The following KIAA0825 variants were observed in gnomAD, a reference collection of about 807,000 sequenced individuals.
KIAA0825 encodes uncharacterized protein KIAA0825.
In KIAA0825, 119 loss-of-function variants were observed where a neutral mutation model predicts 147.6. That is an observed-to-expected ratio of 0.81 (90% CI 0.69 to 0.94). KIAA0825 has a LOEUF of 0.94. Ranked by LOEUF, KIAA0825 falls within the 40% of genes least tolerant of loss-of-function variation. The probability of loss-of-function intolerance (pLI) is 0.00; values close to 1 mark genes in which losing one functional copy is unlikely to be tolerated. For synonymous variants in KIAA0825, 470 were observed against 518.1 expected, an observed-to-expected ratio of 0.91 and a Z score of 1.26; for missense variants, 1,381 against 1,472.7, an observed-to-expected ratio of 0.94 and a Z score of 1.02.
At chr5:94,491,968 A>G (rs1021272686) in intron 5 of KIAA0825, among the ~76,000 whole-genome samples, 2 of 152,244 alleles carry the variant, frequency 1.3e-5, no homozygotes, top group Admixed American at 6.5e-5. Flanking sequence ...GATAAGTGTC[A>G]GGAACCCTCT....
intron 7 of KIAA0825, among the ~76,000 whole-genome samples, chr5:94,475,895 A>C (rs1761837303): frequency 6.6e-6 from 1 of 152,174 alleles, no homozygotes; most frequent in African/African-American, 2.4e-5. Context: ...TATGAAATAT[A>C]GTTTGCTTAC....
intron 2 of KIAA0825, among the ~76,000 whole-genome samples, chr5:94,572,067 C>A (rs941362678): frequency 6.7e-6 from 1 of 150,058 alleles, no homozygotes; most frequent in Non-Finnish European, 1.5e-5. Flanking sequence ...CCACTGCATT[C>A]TAGCCTGGGC....
chr5:94,353,640 T>A (rs1439137726), intron 20 of KIAA0825, among the ~76,000 whole-genome samples: 1 of 152,170 alleles, frequency 6.6e-6, no homozygotes, highest in Non-Finnish European at 1.5e-5. Context: ...TCAATGACAA[T>A]ATCTTCTTAT....
At chr5:94,164,337 A>G (rs1203594706) in intron 20 of KIAA0825, among the ~76,000 whole-genome samples, 1 of 152,170 alleles carries the variant, frequency 6.6e-6, no homozygotes, top group Non-Finnish European at 1.5e-5. Context: ...ACAGTATGGT[A>G]TTAGCATAAA....
At chr5:94,543,203 C>T (rs900916125) in intron 2 of KIAA0825, among the ~76,000 whole-genome samples, 5 of 152,142 alleles carry the variant, frequency 3.3e-5, no homozygotes, top group East Asian at 1.9e-4. Context: ...CAGCATTTTG[C>T]GAGGCTGAGA....
chr5:94,259,534 T>G (rs190566823), intron 20 of KIAA0825, among the ~76,000 whole-genome samples: 1 of 152,162 alleles, frequency 6.6e-6, no homozygotes, highest in East Asian at 1.9e-4. Flanking sequence ...CTCTCCTTGT[T>G]GATCCCTAGC....
intron 10 of KIAA0825, among the ~76,000 whole-genome samples, chr5:94,465,558 C>T (rs935723762): frequency 2.6e-5 from 4 of 152,186 alleles, no homozygotes; most frequent in African/African-American, 9.7e-5. Context: ...TTCTTAGGAA[C>T]ATTCTTGAAA....
intron 14 of KIAA0825, among the ~76,000 whole-genome samples, chr5:94,417,658 T>C (rs181697595): frequency 2.3e-4 from 35 of 152,252 alleles, no homozygotes; most frequent in Middle Eastern, 3.4e-3. Context: ...TTTCCCTCAA[T>C]GTCATAATTC....
At chr5:94,156,856 A>T (rs1767074953) in intron 20 of KIAA0825, among the ~76,000 whole-genome samples, 1 of 152,196 alleles carries the variant, frequency 6.6e-6, no homozygotes, top group Non-Finnish European at 1.5e-5. Flanking sequence ...AAAGCATTAG[A>T]GATTTGAAAT....
intron 20 of KIAA0825, among the ~76,000 whole-genome samples, chr5:94,283,510 A>T (rs535428821): frequency 9.9e-5 from 15 of 152,242 alleles, no homozygotes; most frequent in African/African-American, 3.4e-4. Context: ...ATGTTAAATC[A>T]CTAATAAAGT....
intron 20 of KIAA0825, among the ~76,000 whole-genome samples, chr5:94,230,263 C>T (rs746436630): frequency 8.5e-5 from 13 of 152,110 alleles, no homozygotes; most frequent in Non-Finnish European, 1.8e-4. Context: ...CATTTCTTCT[C>T]GTGTTTTCAG....
At position 94,403,704 on chromosome 5, in the gene KIAA0825, C is replaced by A. The variant is rs1344883523; in HGVS notation, c.2752G>T (p.Val918Leu). 16 of 1,551,474 alleles carry A rather than the reference C, an allele frequency of 1.0e-5. No homozygotes were observed. Among genetic ancestry groups the A allele is most frequent in the Admixed American group, 2.0e-5 (1 of 50,978 alleles). ...DAIKDTVQQI[V>L]SVMSSRRNCE... ...TTTCTCCTAGAACTCATTACAGATA[C>A]TATCTGCTGTACAGTGTCCTTGATG... Residue 918 changes from valine to leucine, a missense_variant, in exon 16 of 21, where the codon GTA (valine) becomes TTA (leucine). Val to Leu is a conservative substitution (Grantham distance 32). Transcript: ENST00000682413.
chr5:94,420,769 G>GC (rs1389763929), intron 14 of KIAA0825, among the ~76,000 whole-genome samples: 1 of 151,996 alleles, frequency 6.6e-6, no homozygotes, highest in African/African-American at 2.4e-5. Flanking sequence ...AAAATAGATT[G>GC]TTTTAATACT....
intron 2 of KIAA0825, among the ~76,000 whole-genome samples, chr5:94,552,986 A>G (rs943579203): frequency 1.3e-5 from 2 of 152,246 alleles, no homozygotes; most frequent in African/African-American, 4.8e-5. Flanking sequence ...AATATACTAT[A>G]TATTTTCAAA....
At chr5:94,297,586 CATTATTGTT>C (rs1196314747) in intron 20 of KIAA0825, among the ~76,000 whole-genome samples, 1 of 151,836 alleles carries the variant, frequency 6.6e-6, no homozygotes, top group Non-Finnish European at 1.5e-5. Context: ...CTATCATCAC[CATTATTGTT>C]ATTATTGTTA....
At chr5:94,407,418 A>C (rs191995616) in intron 15 of KIAA0825, among the ~76,000 whole-genome samples, 1 of 152,234 alleles carries the variant, frequency 6.6e-6, no homozygotes, top group African/African-American at 2.4e-5. Context: ...AGCATCATTC[A>C]TAACAGCCAA....
intron 12 of KIAA0825, among the ~76,000 whole-genome samples, chr5:94,460,567 T>C (rs777072823): frequency 2.0e-5 from 3 of 152,102 alleles, no homozygotes; most frequent in Non-Finnish European, 2.9e-5. Context: ...TATTAACATC[T>C]GATTGCTACT....
chr5:94,494,790 A>G (rs1047575326), intron 5 of KIAA0825, among the ~76,000 whole-genome samples: 6 of 152,138 alleles, frequency 3.9e-5, no homozygotes, highest in Admixed American at 1.3e-4. Flanking sequence ...TTAACAATTC[A>G]TTTTTACTAT....
chr5:94,438,108 G>A lies in KIAA0825; in HGVS notation c.2497+1874C>T, dbSNP rs142388418. Among the ~76,000 whole-genome samples, 27 of 152,250 alleles carry A rather than the reference G, an allele frequency of 1.8e-4. 1 individual carries two copies. In the East Asian group the frequency reaches 3.9e-3, roughly 22 times the overall value. On this transcript the variant is annotated intron_variant, in intron 14 of 20. Coordinates refer to ENST00000682413, the MANE Select transcript of KIAA0825 (RefSeq NM_001145678.3). ...ATTCTTCCCAATACTACGCTATTCC[G>A]CTTCAGGGTTTAATTTGCATGAGTA...
Sources: gnomAD v4.1 joint callset for allele counts (sites outside exome capture counted in the v4.1 genomes callset) on GRCh38, gnomAD v4.1.1 for gene constraint, MANE v1.5 for transcripts, NCBI Gene and HGNC (gene_info 2026-07-23, HGNC 2026-07-21) for gene names.